AKAP7: variants seen among roughly 807,000 people sequenced by gnomAD.
AKAP7 encodes A-kinase anchoring protein 7, also known as A kinase (PRKA) anchor protein 7.
A neutral mutation model predicts 39.5 loss-of-function variants in AKAP7; 39 were observed. The ratio of observed to expected loss-of-function variants is 0.99; its 90% CI spans 0.76 to 1.29. The LOEUF (loss-of-function observed/expected upper bound fraction) is 1.29, where lower values mean the gene tolerates loss of function less well. Ranked by LOEUF, AKAP7 falls within the 50% of genes most tolerant of loss-of-function variation. The pLI, the probability that AKAP7 is intolerant of heterozygous loss-of-function variation, is 0.00. For synonymous variants in AKAP7, 140 were observed against 139.1 expected (o/e 1.01, Z -0.05); for missense variants, 414 against 407.7 (o/e 1.02, Z -0.13).
intron 3 of AKAP7, among the ~76,000 whole-genome samples, chr6:131,162,138 C>CTAGT (rs1803032671): frequency 6.6e-6 from 1 of 152,150 alleles, no homozygotes; most frequent in Non-Finnish European, 1.5e-5. Context: ...GCTTCTTACC[C>CTAGT]CTTCCGGAGA....
intron 5 of AKAP7, among the ~76,000 whole-genome samples, chr6:131,196,580 A>G (rs1412363410): frequency 1.3e-5 from 2 of 152,018 alleles, no homozygotes; most frequent in African/African-American, 2.4e-5. Flanking sequence ...TTTCAACTCT[A>G]GAATTTCTGC....
chr6:131,181,883 G>A (rs1805289692), intron 5 of AKAP7, among the ~76,000 whole-genome samples: 1 of 152,076 alleles, frequency 6.6e-6, no homozygotes, highest in Admixed American at 6.5e-5. Flanking sequence ...TAGTACTTTG[G>A]AAGGCTGAGG....
chr6:131,162,436 G>T (rs549296566), intron 3 of AKAP7, among the ~76,000 whole-genome samples: 1 of 152,200 alleles, frequency 6.6e-6, no homozygotes, highest in Non-Finnish European at 1.5e-5. Context: ...CACAGACTCC[G>T]CTGCATGTGC....
At chr6:131,224,692 G>T (rs1809995314) in intron 7 of AKAP7, among the ~76,000 whole-genome samples, 1 of 124,610 alleles carries the variant, frequency 8.0e-6, no homozygotes. Flanking sequence ...AAATCAGTTA[G>T]TATATATGCT....
chr6:131,213,398 A>G (rs1808857916), intron 6 of AKAP7, among the ~76,000 whole-genome samples: 1 of 152,242 alleles, frequency 6.6e-6, no homozygotes, highest in Non-Finnish European at 1.5e-5. Flanking sequence ...AAGGAAACAT[A>G]ATAGATTAAG....
intron 5 of AKAP7, among the ~76,000 whole-genome samples, chr6:131,180,747 T>C (rs1433077910): frequency 6.6e-6 from 1 of 152,078 alleles, no homozygotes; most frequent in Non-Finnish European, 1.5e-5. Flanking sequence ...TAACGAATGC[T>C]CTAGATTTAT....
At chr6:131,133,083 A>G (rs1352870642), upstream of AKAP7, among the ~76,000 whole-genome samples, 1 of 152,140 alleles carries the variant, frequency 6.6e-6, no homozygotes, top group Non-Finnish European at 1.5e-5. Flanking sequence ...TATGTCTCCT[A>G]TATTTATTAT....
At chr6:131,279,171 G>A (rs1336924604) in intron 7 of AKAP7, among the ~76,000 whole-genome samples, 1 of 152,202 alleles carries the variant, frequency 6.6e-6, no homozygotes, top group Non-Finnish European at 1.5e-5. Flanking sequence ...ATGAGGGAAA[G>A]GAAGGCATCA....
intron 5 of AKAP7, among the ~76,000 whole-genome samples, chr6:131,184,160 G>C (rs1805576231): frequency 6.6e-6 from 1 of 152,216 alleles, no homozygotes. Flanking sequence ...GAGGTGGCCA[G>C]AGCTGCCACA....
At chr6:131,128,983 A>C in the AKAP7 span, among the ~76,000 whole-genome samples, 1 of 152,116 alleles carries the variant, frequency 6.6e-6, no homozygotes. Flanking sequence ...ATATTTATAT[A>C]AGGATATAAT....
At chr6:131,239,905 C>T (rs1361649253) in intron 7 of AKAP7, among the ~76,000 whole-genome samples, 1 of 152,136 alleles carries the variant, frequency 6.6e-6, no homozygotes, top group African/African-American at 2.4e-5. Flanking sequence ...CTTCTCTCAA[C>T]TTGTCAAAGT....
intron 7 of AKAP7, among the ~76,000 whole-genome samples, chr6:131,280,263 C>T (rs1815095272): frequency 6.6e-6 from 1 of 152,118 alleles, no homozygotes; most frequent in Admixed American, 6.5e-5. Flanking sequence ...TAAGGGTTCC[C>T]ACTATTAGTG....
At chr6:131,131,467 CTT>C (rs3031855), upstream of AKAP7, among the ~76,000 whole-genome samples, 64,299 of 137,992 alleles carry the variant, frequency 0.47, 15,503 homozygotes, top group Non-Finnish European at 0.56. Context: ...CTCTTTCTTT[CTT>C]TTTTTTTTTT....
chr6:131,169,222 T>G lies in AKAP7; in HGVS notation c.538T>G (p.Phe180Val). 6.2e-7 allele frequency: 1 copy of G among 1,614,136 alleles called. No homozygotes were observed. Among genetic ancestry groups the G allele is most frequent in the Non-Finnish European group, 8.5e-7 (1 of 1,180,004 alleles). ...TGGTACTTTTGGAAATCAGGTTGGA[T>G]TTGTGAAGCTGGCAGAAGGAGATCA... ...GIGTFGNQVG[F>V]VKLAEGDHVN... is the part of the protein sequence containing the mutation. The change falls in exon 5 of 8, where the codon TTT becomes GTT. Residue 180 changes from phenylalanine (F) to valine (V), a missense_variant. Transcript: ENST00000431975.
In AKAP7 at chr6:131,169,184, C is replaced by T. The variant is rs115301121; in HGVS notation, c.500C>T (p.Pro167Leu). 1,353 of 1,614,004 alleles carry T rather than the reference C, an allele frequency of 8.4e-4. 11 individuals carry two copies. In the African/African-American group the frequency reaches 0.015, roughly 18 times the overall value. The change falls in exon 5 of 8, where the codon CCC becomes CTC. Residue 167 changes from proline (P) to leucine (L), a missense_variant. Pro to Leu is a moderately conservative substitution (Grantham distance 98, BLOSUM62 -3). Coordinates refer to ENST00000431975, the MANE Select transcript of AKAP7 (RefSeq NM_016377.4). ...CTCCAGGGAAAACATTTGACTTTGC[C>T]CTTTCAAGGGATTGGTACTTTTGGA... is the stretch of plus-strand genomic sequence containing the variant. ...ELLQGKHLTL[P>L]FQGIGTFGNQ...
chr6:131,156,823 A>C (rs1001189664), intron 2 of AKAP7, among the ~76,000 whole-genome samples: 2 of 150,174 alleles, frequency 1.3e-5, no homozygotes, highest in African/African-American at 4.9e-5. Context: ...CCCAGGCTGG[A>C]GTGTGCAGTG....
At chr6:131,193,679 T>A (rs1562201757) in intron 5 of AKAP7, among the ~76,000 whole-genome samples, 1 of 152,132 alleles carries the variant, frequency 6.6e-6, no homozygotes, top group South Asian at 2.1e-4. Flanking sequence ...AGACATCAGG[T>A]CCCAAGCTTT....
chr6:131,236,699 C>T (rs905887572), intron 7 of AKAP7, among the ~76,000 whole-genome samples: 4 of 152,132 alleles, frequency 2.6e-5, no homozygotes, highest in Non-Finnish European at 5.9e-5. Flanking sequence ...TGATTTGGCT[C>T]TCTGTTTGTC....
intron 6 of AKAP7, among the ~76,000 whole-genome samples, chr6:131,203,612 C>T (rs1807820875): frequency 6.6e-6 from 1 of 152,114 alleles, no homozygotes; most frequent in South Asian, 2.1e-4. Context: ...GAGTTACTCC[C>T]TCATTACCAT....
Sources: gnomAD v4.1 joint callset for allele counts (sites outside exome capture counted in the v4.1 genomes callset) on GRCh38, gnomAD v4.1.1 for gene constraint, MANE v1.5 for transcripts, NCBI Gene and HGNC (gene_info 2026-07-23, HGNC 2026-07-21) for gene names.